The following ZNF385D variants were observed in gnomAD, a reference collection of about 807,000 sequenced individuals.
ZNF385D encodes zinc finger protein 385D.
Under a neutral mutation model 35.8 loss-of-function variants are expected in ZNF385D, and 15 were observed. The observed-to-expected ratio is 0.42, with a 90% CI of 0.28 to 0.64. ZNF385D has a LOEUF of 0.64. Ranked by LOEUF, ZNF385D falls within the 30% of genes least tolerant of loss-of-function variation. ZNF385D has a pLI of 0.23. For synonymous variants in ZNF385D, 212 were observed against 186.8 expected, an observed-to-expected ratio of 1.13 and a Z score of -1.10; for missense variants, 474 against 494.6, an observed-to-expected ratio of 0.96 and a Z score of 0.39.
intron 3 of ZNF385D, among the ~76,000 whole-genome samples, chr3:21,933,550 G>A (rs182885591): frequency 6.6e-5 from 10 of 152,262 alleles, no homozygotes; most frequent in Non-Finnish European, 1.5e-4. Context: ...GATCTGCTTT[G>A]TACTATATGG....
chr3:21,861,584 T>C (rs1041437369), intron 3 of ZNF385D, among the ~76,000 whole-genome samples: 8 of 152,110 alleles, frequency 5.3e-5, no homozygotes, highest in African/African-American at 1.7e-4. Context: ...CAGGCAGCAT[T>C]GATTTTCAAA....
chr3:21,432,053 T>C (rs1701314962), intron 5 of ZNF385D, among the ~76,000 whole-genome samples: 1 of 152,274 alleles, frequency 6.6e-6, no homozygotes, highest in African/African-American at 2.4e-5. Flanking sequence ...ACTTTTTTTT[T>C]CATTTGTAAA....
intron 2 of ZNF385D, among the ~76,000 whole-genome samples, chr3:21,626,042 A>G (rs1393591713): frequency 6.6e-6 from 1 of 152,072 alleles, no homozygotes; most frequent in East Asian, 1.9e-4. Context: ...TTCCCATTTT[A>G]CAGATGAGGA....
chr3:21,839,565 T>C (rs1199296439), intron 3 of ZNF385D, among the ~76,000 whole-genome samples: 4 of 152,128 alleles, frequency 2.6e-5, no homozygotes, highest in African/African-American at 9.7e-5. Context: ...AGGCTAGCTT[T>C]TTCTATGATA....
chr3:21,703,664 CAAAA>C (rs5847128), intron 1 of ZNF385D, among the ~76,000 whole-genome samples: 82 of 149,396 alleles, frequency 5.5e-4, no homozygotes, highest in Admixed American at 1.9e-3. Context: ...TATCCTCTTA[CAAAA>C]AAAAAAAAAT....
intron 2 of ZNF385D, among the ~76,000 whole-genome samples, chr3:22,324,795 C>G (rs1694601254): frequency 1.3e-5 from 2 of 152,190 alleles, no homozygotes; most frequent in South Asian, 4.1e-4. Context: ...CCCTTTGACC[C>G]TCTACCACCA....
intron 2 of ZNF385D, among the ~76,000 whole-genome samples, chr3:22,341,265 G>C (rs969109116): frequency 1.3e-5 from 2 of 152,216 alleles, no homozygotes; most frequent in South Asian, 2.1e-4. Flanking sequence ...ACAAATTAGA[G>C]TCCACAGGCT....
intron 2 of ZNF385D, among the ~76,000 whole-genome samples, chr3:22,296,064 CATCT>C (rs1482623176): frequency 6.6e-6 from 1 of 152,106 alleles, no homozygotes; most frequent in South Asian, 2.1e-4. Context: ...GGCCGCATAC[CATCT>C]ATCTAAATAT....
intron 3 of ZNF385D, among the ~76,000 whole-genome samples, chr3:22,158,302 T>A (rs1462247310): frequency 6.6e-6 from 1 of 152,094 alleles, no homozygotes; most frequent in African/African-American, 2.4e-5. Context: ...TACTTCAGAG[T>A]AATCTTAGAG....
chr3:22,075,877 C>T (rs532858444), intron 3 of ZNF385D, among the ~76,000 whole-genome samples: 99 of 152,030 alleles, frequency 6.5e-4, no homozygotes, highest in African/African-American at 2.2e-3. Flanking sequence ...TCTTCCCAAA[C>T]TTCGTAAATA....
At chr3:22,249,541 G>T (rs1002310977) in intron 2 of ZNF385D, among the ~76,000 whole-genome samples, 1 of 152,128 alleles carries the variant, frequency 6.6e-6, no homozygotes, top group South Asian at 2.1e-4. Flanking sequence ...TATGTAAACA[G>T]AACAGTGCAA....
At chr3:21,800,363 T>C (rs527320892) in intron 3 of ZNF385D, among the ~76,000 whole-genome samples, 3 of 152,342 alleles carry the variant, frequency 2.0e-5, no homozygotes, top group Non-Finnish European at 4.4e-5. Context: ...ATATTAAATC[T>C]ATCCAATCCA....
intron 2 of ZNF385D, among the ~76,000 whole-genome samples, chr3:22,281,884 G>A (rs574546670): frequency 4.6e-5 from 7 of 151,824 alleles, no homozygotes; most frequent in Non-Finnish European, 8.8e-5. Context: ...TTTTTTGTTG[G>A]TGGTGGTGGT....
chr3:22,358,548 C>T (rs1696260338), intron 2 of ZNF385D, among the ~76,000 whole-genome samples: 1 of 151,644 alleles, frequency 6.6e-6, no homozygotes, highest in Non-Finnish European at 1.5e-5. Flanking sequence ...GTTTAGGCAG[C>T]ACCAGGAGGA....
intron 3 of ZNF385D, among the ~76,000 whole-genome samples, chr3:21,559,976 G>A (rs1325807903): frequency 2.0e-5 from 3 of 152,076 alleles, no homozygotes; most frequent in Non-Finnish European, 4.4e-5. Flanking sequence ...TATGCCTCAC[G>A]AAGTTCTCGT....
chr3:22,131,350 T>A (rs931072371), intron 3 of ZNF385D, among the ~76,000 whole-genome samples: 13 of 151,744 alleles, frequency 8.6e-5, no homozygotes, highest in African/African-American at 3.1e-4. Flanking sequence ...AAGGAAGCAA[T>A]GCCTATTTGG....
chr3:22,086,304 T>C (rs1195826029), intron 3 of ZNF385D, among the ~76,000 whole-genome samples: 1 of 152,148 alleles, frequency 6.6e-6, no homozygotes, highest in Non-Finnish European at 1.5e-5. Flanking sequence ...TTAGAAAACC[T>C]CATAGTCTCA....
intron 2 of ZNF385D, among the ~76,000 whole-genome samples, chr3:22,350,754 C>A (rs928029039): frequency 6.6e-6 from 1 of 151,988 alleles, no homozygotes; most frequent in African/African-American, 2.4e-5. Flanking sequence ...TGACAGAGTG[C>A]TCCTTTTGAA....
rs974566251 is a variant in ZNF385D, at chr3:22,064,962, G to C, written c.325+103855C>G. On this transcript the variant is annotated intron_variant, in intron 3 of 5. Transcript: ENST00000494108. ...TCAGTAGCATGGTTGACTTAGCCAT[G>C]CACAAATTATATTATGACGGTATAA... is the stretch of plus-strand genomic sequence containing the variant. Among the ~76,000 whole-genome samples, 3 of 152,320 alleles carry C rather than the reference G, an allele frequency of 2.0e-5. 1 individual carries two copies. The highest frequency in any genetic ancestry group is 2.0e-4 in the Admixed American group (3 of 15,284).
Sources: gnomAD v4.1 joint callset for allele counts (sites outside exome capture counted in the v4.1 genomes callset) on GRCh38, gnomAD v4.1.1 for gene constraint, MANE v1.5 for transcripts, NCBI Gene and HGNC (gene_info 2026-07-23, HGNC 2026-07-21) for gene names.